Variants in RASGRF1 observed in about 807,000 individuals in gnomAD.
RASGRF1 encodes Ras protein specific guanine nucleotide releasing factor 1, also known as ras-specific guanine nucleotide-releasing factor 1.
Under a neutral mutation model 138.7 loss-of-function variants are expected in RASGRF1, and 40 were observed. That is an observed-to-expected ratio of 0.29 (90% CI 0.22 to 0.38). The LOEUF is 0.38. RASGRF1 is among the 10% of genes least tolerant of loss of function. The pLI is 1.00. For missense variants in RASGRF1, 1,108 were observed against 1,650.4 expected (o/e 0.67, Z 5.69); for synonymous variants, 614 against 663.2 (o/e 0.93, Z 1.14).
chr15:79,035,267 G>A (rs2057202877), intron 5 of RASGRF1, 57 bp from the exon 6 acceptor site: 12 of 1,448,774 alleles, frequency 8.3e-6, no homozygotes, highest in Non-Finnish European at 1.1e-5. Flanking sequence ...TGCTCCAGAG[G>A]TGACTGTCCC....
At chr15:78,977,867 G>A (rs1161749268) in intron 24 of RASGRF1, among the ~76,000 whole-genome samples, 1 of 152,210 alleles carries the variant, frequency 6.6e-6, no homozygotes, top group African/African-American at 2.4e-5. Flanking sequence ...AAAAATGCTG[G>A]TGACCACATT....
intron 19 of RASGRF1, among the ~76,000 whole-genome samples, chr15:78,996,809 T>C (rs921444778): frequency 6.6e-6 from 1 of 151,906 alleles, no homozygotes; most frequent in African/African-American, 2.4e-5. Flanking sequence ...CTGAAAGAGA[T>C]TTTAGGACTG....
chr15:78,976,658 C>T (rs1414487715), intron 24 of RASGRF1, among the ~76,000 whole-genome samples: 1 of 152,156 alleles, frequency 6.6e-6, no homozygotes, highest in Non-Finnish European at 1.5e-5. Context: ...GCTGGAGGGC[C>T]CCACAGGGAC....
chr15:78,989,493 T>A (rs1474783076), intron 22 of RASGRF1, among the ~76,000 whole-genome samples: 1 of 151,330 alleles, frequency 6.6e-6, no homozygotes, highest in Non-Finnish European at 1.5e-5. Context: ...CTCAGCACTG[T>A]GGCCTTCTAA....
In RASGRF1 at chr15:78,996,506, C is replaced by T. The variant is rs564666103; in HGVS notation, c.2967-706G>A. Among the ~76,000 whole-genome samples, 127 of 152,246 alleles carry T rather than the reference C, an allele frequency of 8.3e-4. 2 individuals carry two copies. The South Asian group carries it at 0.026, about 31-fold the overall frequency. On this transcript the variant is annotated intron_variant, in intron 19 of 26. Transcript: ENST00000558480. ...AGAAGGCATTGTCGTGTATATCTTA[C>T]AGCTGAGGAAACGGCCCCTCAGGGA...
At chr15:79,043,977 C>T (rs2057327679) in intron 5 of RASGRF1, among the ~76,000 whole-genome samples, 2 of 152,226 alleles carry the variant, frequency 1.3e-5, no homozygotes, top group African/African-American at 4.8e-5. Context: ...AGTTATCCAG[C>T]CCCCTACAAG....
chr15:79,047,430 G>T (rs1041085634), intron 4 of RASGRF1, among the ~76,000 whole-genome samples: 2 of 152,208 alleles, frequency 1.3e-5, no homozygotes, highest in Non-Finnish European at 2.9e-5. Context: ...GAGGATAAAG[G>T]GTTGCAGGGC....
At chr15:78,993,386 GGTGT>G (rs981642649) in intron 20 of RASGRF1, among the ~76,000 whole-genome samples, 1 of 123,834 alleles carries the variant, frequency 8.1e-6, no homozygotes, top group African/African-American at 3.0e-5. Flanking sequence ...TGTGTGTGTG[GGTGT>G]GTGTGTGTGT....
At chr15:79,019,989 T>C in intron 11 of RASGRF1, 52 bp downstream of exon 11, 3 of 1,598,398 alleles carry the variant, frequency 1.9e-6, no homozygotes, top group Non-Finnish European at 2.6e-6. Context: ...GGAGTGAGCG[T>C]GTGTGTATCT....
chr15:78,970,474 T>C (rs1027535786), intron 26 of RASGRF1, among the ~76,000 whole-genome samples: 1 of 151,864 alleles, frequency 6.6e-6, no homozygotes, highest in African/African-American at 2.4e-5. Context: ...CTTTCAGGGC[T>C]TCCCATGGTC....
chr15:79,009,084 C>T (rs2056742575), intron 13 of RASGRF1, among the ~76,000 whole-genome samples: 1 of 152,192 alleles, frequency 6.6e-6, no homozygotes, highest in Non-Finnish European at 1.5e-5. Flanking sequence ...CACTTCTCAG[C>T]AAGTCTGATG....
At position 79,031,435 on chromosome 15, in the gene RASGRF1, C is replaced by T. The variant is rs1372625097; in HGVS notation, c.1227G>A (p.Leu409=). ...CCTCCAGTTTGGACTTGGCGTAGTC[C>T]AGGCTGTTGCGCTCAACGTGCTCAT... ...TPHEHVERNS[L]DYAKSKLEEL... is the part of the protein sequence containing the mutation. The change falls in exon 8 of 27, where the codon CTG becomes CTA. Residue 409 remains leucine, a synonymous_variant. Transcript: ENST00000558480. 24 of 1,612,774 alleles carry T rather than the reference C, an allele frequency of 1.5e-5. No homozygotes were observed. The highest frequency in any genetic ancestry group is 1.9e-5 in the Non-Finnish European group (22 of 1,179,476).
intron 1 of RASGRF1, among the ~76,000 whole-genome samples, chr15:79,065,908 T>TG (rs765887209): frequency 9.9e-6 from 1 of 101,432 alleles, no homozygotes; most frequent in East Asian, 2.9e-4. Context: ...GTATGTGAAG[T>TG]GGGGGGCGGG....
intron 19 of RASGRF1, 64 bp downstream of exon 19, chr15:78,998,032 G>C: frequency 7.0e-7 from 1 of 1,436,048 alleles, no homozygotes; most frequent in South Asian, 1.1e-5. Flanking sequence ...CCCACATGGA[G>C]GCAGAAGGCA....
chr15:79,075,830 C>A (rs1385530272), intron 1 of RASGRF1, among the ~76,000 whole-genome samples: 3 of 152,220 alleles, frequency 2.0e-5, no homozygotes, highest in Non-Finnish European at 4.4e-5. Flanking sequence ...GCACTCTGGG[C>A]AGCCTTGTCA....
intron 26 of RASGRF1, among the ~76,000 whole-genome samples, chr15:78,968,676 G>C (rs1596308450): frequency 6.6e-6 from 1 of 152,106 alleles, no homozygotes; most frequent in East Asian, 1.9e-4. Flanking sequence ...GTTGGAGCTG[G>C]CTCATGCCAG....
At chr15:78,993,386 G>GT (rs1555452960) in intron 20 of RASGRF1, among the ~76,000 whole-genome samples, 11 of 123,932 alleles carry the variant, frequency 8.9e-5, no homozygotes, top group Non-Finnish European at 1.3e-4. Flanking sequence ...TGTGTGTGTG[G>GT]GTGTGTGTGT....
At chr15:79,022,177 C>T (rs199934285) in intron 10 of RASGRF1, among the ~76,000 whole-genome samples, 7 of 152,268 alleles carry the variant, frequency 4.6e-5, no homozygotes, top group African/African-American at 1.4e-4. Flanking sequence ...CGGTGGCTCA[C>T]GCCTGTAATC....
chr15:79,066,901 C>T (rs1309387027), intron 1 of RASGRF1, among the ~76,000 whole-genome samples: 1 of 152,150 alleles, frequency 6.6e-6, no homozygotes, highest in African/African-American at 2.4e-5. Flanking sequence ...AGAGGCTTTC[C>T]CCACTCCCTT....
Sources: allele counts gnomAD v4.1 joint callset (sites outside exome capture counted in the v4.1 genomes callset), GRCh38; gene constraint gnomAD v4.1.1; transcripts MANE v1.5; gene names NCBI Gene and HGNC (gene_info 2026-07-23, HGNC 2026-07-21).